SLC20A2: variants seen among roughly 807,000 people sequenced by gnomAD.
SLC20A2 encodes sodium-dependent phosphate transporter 2.
SLC20A2 carries 30 observed loss-of-function variants against 61.0 expected under a neutral mutation model. The observed-to-expected ratio is 0.49, with a 90% confidence interval of 0.37 to 0.67. The LOEUF (loss-of-function observed/expected upper bound fraction) is 0.67. SLC20A2 is among the 30% of genes least tolerant of loss of function. SLC20A2 has a pLI of 0.00. For missense variants in SLC20A2, 626 were observed against 866.4 expected (o/e 0.72, Z 3.48); for synonymous variants, 351 against 353.3 (o/e 0.99, Z 0.07).
chr8:42,511,058 G>A (rs1489582273), intron 1 of SLC20A2, among the ~76,000 whole-genome samples: 3 of 152,118 alleles, frequency 2.0e-5, no homozygotes, highest in African/African-American at 7.2e-5. Flanking sequence ...CAGGGAACTT[G>A]CAGGGTATGC....
At chr8:42,531,911 C>G (rs548771223) in intron 1 of SLC20A2, among the ~76,000 whole-genome samples, 25 of 151,856 alleles carry the variant, frequency 1.6e-4, no homozygotes, top group African/African-American at 5.8e-4. Context: ...CTCGGCCTCC[C>G]GGGTTCAAGA....
At chr8:42,480,275 T>C (rs754909028) in intron 1 of SLC20A2, among the ~76,000 whole-genome samples, 1 of 152,236 alleles carries the variant, frequency 6.6e-6, no homozygotes, top group Non-Finnish European at 1.5e-5. Context: ...CAAAGGTTAA[T>C]TGCACTTCTC....
intron 5 of SLC20A2, among the ~76,000 whole-genome samples, chr8:42,446,680 C>T (rs974565473): frequency 1.3e-5 from 2 of 152,076 alleles, no homozygotes; most frequent in African/African-American, 2.4e-5. Context: ...TCCACATTCC[C>T]GTCATATCTG....
chr8:42,438,050 T>TAA (rs1257674048), intron 7 of SLC20A2, among the ~76,000 whole-genome samples: 11 of 15,950 alleles, frequency 6.9e-4, no homozygotes, highest in South Asian at 2.5e-3. Flanking sequence ...TGGTTACCAC[T>TAA]AAAAAAAAAA....
rs139357319 is a variant in SLC20A2, at chr8:42,459,069, G to A, written c.613+827C>T. 7.8e-4 allele frequency among the ~76,000 whole-genome samples: 117 copies of A among 149,098 alleles called. 1 individual carries two copies. Among genetic ancestry groups the A allele is most frequent in the African/African-American group, 2.9e-3 (115 of 40,312 alleles). On this transcript the variant is annotated intron_variant, in intron 5 of 10. Transcript: ENST00000520262. The stretch of plus-strand genomic sequence containing the variant: ...AGGCGGATCACAAGGTCAGGAGTTC[G>A]AGACCAGCCTGGCCAACATAGTGAA...
At position 42,495,752 on chromosome 8, in the gene SLC20A2, CT is replaced by C. The variant is rs869049452; in HGVS notation, c.-265+5278del. Among the ~76,000 whole-genome samples the C allele has an allele frequency of 8.4e-3, 1,213 of 145,008 alleles. 3 individuals are homozygous for C. The highest frequency in any genetic ancestry group is 0.012 in the Non-Finnish European group (779 of 65,610). On this transcript the variant is annotated intron_variant, in intron 1 of 10. Transcript: ENST00000520262. ...CCAAGGATTCTACAGATCCCTCCCC[CT>C]TTTTTTTTTTTTTCCAGACAGAGTC...
At chr8:42,513,941 C>T (rs1242972094) in intron 1 of SLC20A2, among the ~76,000 whole-genome samples, 4 of 152,072 alleles carry the variant, frequency 2.6e-5, no homozygotes, top group Non-Finnish European at 4.4e-5. Flanking sequence ...CTGGGAATAG[C>T]AGAAGTATGT....
At chr8:42,430,296 AATGTAC>A in intron 8 of SLC20A2, 47 bp from the exon 9 acceptor site, 2 of 1,499,062 alleles carry the variant, frequency 1.3e-6, no homozygotes, top group Non-Finnish European at 1.8e-6. Flanking sequence ...TGCAAGCGGC[AATGTAC>A]ATGATACAGG....
chr8:42,528,938 A>G (rs1230747567), intron 1 of SLC20A2, among the ~76,000 whole-genome samples: 1 of 151,112 alleles, frequency 6.6e-6, no homozygotes, highest in East Asian at 1.9e-4. Flanking sequence ...AAGTGCTGGG[A>G]TTACAGGCAT....
intron 1 of SLC20A2, among the ~76,000 whole-genome samples, chr8:42,516,109 C>G (rs902772157): frequency 5.9e-5 from 9 of 152,222 alleles, no homozygotes; most frequent in African/African-American, 1.7e-4. Flanking sequence ...TGTGATTCTT[C>G]TCCTCTCTAA....
At chr8:42,518,222 G>A (rs1811438067) in intron 1 of SLC20A2, among the ~76,000 whole-genome samples, 2 of 152,218 alleles carry the variant, frequency 1.3e-5, no homozygotes, top group Admixed American at 1.3e-4. Context: ...TTACAGGCAT[G>A]AGCCACCACG....
chr8:42,443,021 T>C (rs1217941007), intron 6 of SLC20A2, among the ~76,000 whole-genome samples: 1 of 152,048 alleles, frequency 6.6e-6, no homozygotes, highest in Non-Finnish European at 1.5e-5. Flanking sequence ...CTTGGCTGAC[T>C]TCCTAAGCCA....
At chr8:42,473,525 A>G (rs1807815448) in intron 1 of SLC20A2, among the ~76,000 whole-genome samples, 1 of 152,138 alleles carries the variant, frequency 6.6e-6, no homozygotes, top group Non-Finnish European at 1.5e-5. Flanking sequence ...CCCTGCATTC[A>G]GGTCCCTGCT....
chr8:42,530,667 CTTCTT>C (rs1162001144), intron 1 of SLC20A2, among the ~76,000 whole-genome samples: 5 of 152,116 alleles, frequency 3.3e-5, no homozygotes, highest in Non-Finnish European at 4.4e-5. Flanking sequence ...GCTAAATAAA[CTTCTT>C]TTAACTAAAA....
intron 6 of SLC20A2, among the ~76,000 whole-genome samples, chr8:42,439,869 CA>C (rs906772269): frequency 6.6e-6 from 1 of 151,824 alleles, no homozygotes; most frequent in African/African-American, 2.4e-5. Context: ...GGTGGATCAC[CA>C]GGTCAGGAGT....
chr8:42,515,313 G>A (rs979353700), intron 1 of SLC20A2, among the ~76,000 whole-genome samples: 2 of 152,130 alleles, frequency 1.3e-5, no homozygotes, highest in African/African-American at 4.8e-5. Context: ...GCAGGAGTAG[G>A]TTTAGCATGA....
chr8:42,495,580 AGGT>A (rs1310979811), intron 1 of SLC20A2, among the ~76,000 whole-genome samples: 1 of 152,224 alleles, frequency 6.6e-6, no homozygotes, highest in Non-Finnish European at 1.5e-5. Context: ...AAACATAATG[AGGT>A]TGAAAGATTG....
At chr8:42,490,738 C>T (rs757912800) in intron 1 of SLC20A2, among the ~76,000 whole-genome samples, 1 of 152,100 alleles carries the variant, frequency 6.6e-6, no homozygotes, top group Non-Finnish European at 1.5e-5. Flanking sequence ...AAAAATCAGG[C>T]CCGAGAGAAA....
At chr8:42,459,663 A>C (rs945642512) in intron 5 of SLC20A2, among the ~76,000 whole-genome samples, 1 of 152,136 alleles carries the variant, frequency 6.6e-6, no homozygotes, top group Non-Finnish European at 1.5e-5. Flanking sequence ...TGTACTCTAC[A>C]TATCTCTTGG....
Sources: allele counts gnomAD v4.1 joint callset (sites outside exome capture counted in the v4.1 genomes callset), GRCh38; gene constraint gnomAD v4.1.1; transcripts MANE v1.5; gene names NCBI Gene and HGNC (gene_info 2026-07-23, HGNC 2026-07-21).